Variants in RSF1 observed in about 807,000 individuals in gnomAD.
RSF1 encodes HBV pX-associated protein 8.
RSF1 carries 13 observed loss-of-function variants against 145.2 expected under a neutral mutation model. The observed-to-expected ratio is 0.09, with a 90% CI of 0.06 to 0.14. The LOEUF is 0.14. Among genes scored for constraint, RSF1 ranks in the 10% least tolerant of loss-of-function variants. RSF1 has a pLI of 1.00. For missense variants in RSF1, 1,517 were observed against 1,718.2 expected (o/e 0.88, Z 2.07); for synonymous variants, 577 against 592.6 (o/e 0.97, Z 0.38).
At chr11:77,778,821 T>C (rs376347456) in intron 1 of RSF1, among the ~76,000 whole-genome samples, 7 of 152,254 alleles carry the variant, frequency 4.6e-5, no homozygotes, top group African/African-American at 1.4e-4. Context: ...CTGTCCTTTT[T>C]TGGATTCCTT....
At chr11:77,695,015 TA>T (rs930890030) in intron 7 of RSF1, among the ~76,000 whole-genome samples, 27 of 152,318 alleles carry the variant, frequency 1.8e-4, no homozygotes, top group Non-Finnish European at 3.2e-4. Flanking sequence ...ATCAATGACT[TA>T]CTACTGCTGT....
At chr11:77,773,798 T>C (rs1948312255) in intron 1 of RSF1, among the ~76,000 whole-genome samples, 1 of 152,088 alleles carries the variant, frequency 6.6e-6, no homozygotes, top group South Asian at 2.1e-4. Flanking sequence ...TAGGAAAAAT[T>C]ATCTTGTAAT....
intron 11 of RSF1, among the ~76,000 whole-genome samples, chr11:77,678,424 C>G (rs893101488): frequency 7.9e-5 from 12 of 152,032 alleles, no homozygotes; most frequent in African/African-American, 2.9e-4. Flanking sequence ...ATCATGTTGG[C>G]CAGAATGGTC....
intron 2 of RSF1, chr11:77,762,077 CA>C (rs1412385551): frequency 8.6e-6 from 1 of 116,704 alleles, no homozygotes; most frequent in African/African-American, 3.6e-5. Context: ...CCATGTTGCC[CA>C]GGCTGGTCTC....
the RSF1 span, among the ~76,000 whole-genome samples, chr11:77,830,797 TACTC>T: frequency 1.8e-4 from 28 of 151,938 alleles, no homozygotes; most frequent in African/African-American, 6.3e-4. Context: ...AATGAAAAGA[TACTC>T]AACATCATTG....
rs1304261528 is a variant in RSF1 at position 77,664,139 on chromosome 11, T to A, written c.*2778A>T. On this transcript the variant is annotated 3_prime_UTR_variant, in exon 16 of 16. Coordinates refer to ENST00000308488, the MANE Select transcript of RSF1 (RefSeq NM_016578.4). ...CTTCAGAATACCTTCAGAGTGTATT[T>A]CAGTGATCATAAACTCTTTGAGGGA... 6.6e-6 allele frequency: 1 copy of A among 152,218 alleles called. No individual in the cohort carries two copies. Among genetic ancestry groups the A allele is most frequent in the Non-Finnish European group, 1.5e-5 (1 of 68,034 alleles). The allele number at this position is 152,218 out of a possible 1,614,324, so 9.4% of individuals were successfully genotyped here.
chr11:77,766,546 T>C (rs988107826), intron 1 of RSF1, among the ~76,000 whole-genome samples: 1 of 151,776 alleles, frequency 6.6e-6, no homozygotes, highest in Non-Finnish European at 1.5e-5. Context: ...GACAAGTAAA[T>C]AGACAAATCT....
chr11:77,718,673 CAGAT>C (rs1960874267), intron 5 of RSF1, among the ~76,000 whole-genome samples: 1 of 152,166 alleles, frequency 6.6e-6, no homozygotes, highest in African/African-American at 2.4e-5. Flanking sequence ...GAACAGAAAA[CAGAT>C]AGCTTTTTCT....
chr11:77,739,913 T>TA (rs57819770), intron 4 of RSF1, among the ~76,000 whole-genome samples: 27,232 of 152,100 alleles, frequency 0.18, 3,074 homozygotes, highest in African/African-American at 0.3. Context: ...TCAACACAAA[T>TA]AAAAAATCAA....
intron 5 of RSF1, among the ~76,000 whole-genome samples, chr11:77,719,963 A>G (rs1960905759): frequency 6.6e-6 from 1 of 152,206 alleles, no homozygotes; most frequent in Non-Finnish European, 1.5e-5. Flanking sequence ...TTAATGGTTT[A>G]CAGGGGATGA....
At chr11:77,709,232 C>G (rs1565155960) in intron 5 of RSF1, among the ~76,000 whole-genome samples, 1 of 152,210 alleles carries the variant, frequency 6.6e-6, no homozygotes, top group African/African-American at 2.4e-5. Flanking sequence ...AATCTAAAAT[C>G]ATGCCCCACT....
At chr11:77,748,749 A>C (rs1176968832) in intron 2 of RSF1, among the ~76,000 whole-genome samples, 1 of 152,226 alleles carries the variant, frequency 6.6e-6, no homozygotes, top group Admixed American at 6.5e-5. Flanking sequence ...CTTGGAAAAC[A>C]GCTTGGCAAT....
chr11:77,703,631 T>C (rs984510013), intron 5 of RSF1: 8 of 152,216 alleles, frequency 5.3e-5, no homozygotes, highest in Non-Finnish European at 1.2e-4. Context: ...ATTTCTTTTA[T>C]GTACAATGAT....
At chr11:77,802,318 G>C (rs911236876) in intron 1 of RSF1, among the ~76,000 whole-genome samples, 2 of 152,160 alleles carry the variant, frequency 1.3e-5, no homozygotes, top group African/African-American at 4.8e-5. Flanking sequence ...TGCAACTGAT[G>C]TCTAAAGTGG....
intron 1 of RSF1, among the ~76,000 whole-genome samples, chr11:77,796,862 A>G (rs1360996517): frequency 4.6e-5 from 7 of 152,106 alleles, no homozygotes; most frequent in African/African-American, 7.3e-5. Context: ...CTATACACCA[A>G]TAACAGACAA....
chr11:77,773,503 C>T (rs1417643813), intron 1 of RSF1, among the ~76,000 whole-genome samples: 1 of 152,170 alleles, frequency 6.6e-6, no homozygotes, highest in Non-Finnish European at 1.5e-5. Flanking sequence ...AAATCTAAAT[C>T]TGGTCCTCTA....
intron 6 of RSF1, among the ~76,000 whole-genome samples, chr11:77,700,346 T>A (rs1960385219): frequency 6.2e-5 from 2 of 32,040 alleles, no homozygotes; most frequent in African/African-American, 1.5e-4. Flanking sequence ...CAAGACTGTC[T>A]CACAAAAAAA....
intron 1 of RSF1, among the ~76,000 whole-genome samples, chr11:77,802,298 A>G (rs1590895885): frequency 1.3e-5 from 2 of 152,140 alleles, no homozygotes; most frequent in South Asian, 4.1e-4. Context: ...GACCCTTGGA[A>G]CCCAATACTT....
chr11:77,744,644 T>C (rs1356098631), intron 3 of RSF1, among the ~76,000 whole-genome samples: 1 of 152,228 alleles, frequency 6.6e-6, no homozygotes, highest in Admixed American at 6.5e-5. Context: ...TGAACAATCC[T>C]TGCATTCTGG....
Sources: allele counts gnomAD v4.1 joint callset (sites outside exome capture counted in the v4.1 genomes callset), GRCh38; gene constraint gnomAD v4.1.1; transcripts MANE v1.5; gene names NCBI Gene and HGNC (gene_info 2026-07-23, HGNC 2026-07-21).